The following MS4A15 variants were observed in gnomAD, a reference collection of about 807,000 sequenced individuals.
The protein encoded by MS4A15 is membrane-spanning 4-domains subfamily A member 15.
MS4A15 carries 22 observed loss-of-function variants against 20.6 expected under a neutral mutation model. The ratio of observed to expected loss-of-function variants is 1.07; its 90% CI spans 0.76 to 1.52. MS4A15 has a LOEUF of 1.52. Among genes scored for constraint, MS4A15 ranks in the 40% most tolerant of loss-of-function variants. The pLI is 0.00. For missense variants in MS4A15, 312 were observed against 323.0 expected (o/e 0.97, Z 0.26); for synonymous variants, 129 against 129.3 (o/e 1.00, Z 0.02).
At chr11:60,775,003 G>A (rs571666787) in intron 6 of MS4A15, among the ~76,000 whole-genome samples, 25 of 152,306 alleles carry the variant, frequency 1.6e-4, no homozygotes, top group African/African-American at 5.3e-4. Flanking sequence ...CCTGAACCAG[G>A]CCAGGGCAGT....
At chr11:60,759,534 G>T (rs1050907523) in intron 1 of MS4A15, among the ~76,000 whole-genome samples, 13 of 152,122 alleles carry the variant, frequency 8.5e-5, no homozygotes, top group African/African-American at 2.7e-4. Flanking sequence ...CCCGTAAAGG[G>T]TCTGTGCTGA....
intron 1 of MS4A15, among the ~76,000 whole-genome samples, chr11:60,761,739 G>T (rs1291030998): frequency 6.6e-6 from 1 of 152,144 alleles, no homozygotes; most frequent in Non-Finnish European, 1.5e-5. Context: ...TATATTACTA[G>T]CAGTGGCAAT....
intron 1 of MS4A15, 92 bp from the exon 2 acceptor site, chr11:60,763,614 G>T: frequency 9.6e-7 from 1 of 1,038,432 alleles, no homozygotes; most frequent in East Asian, 2.5e-5. Context: ...TGGCAGGGCT[G>T]CAGTAAGCAA....
intron 3 of MS4A15, among the ~76,000 whole-genome samples, chr11:60,769,924 GCCT>G (rs1349576344): frequency 6.6e-6 from 1 of 152,108 alleles, no homozygotes; most frequent in Non-Finnish European, 1.5e-5. Flanking sequence ...TCACCCCAGG[GCCT>G]CCTCCACCCA....
At chr11:60,764,434 A>G (rs531257984) in intron 2 of MS4A15, among the ~76,000 whole-genome samples, 19 of 152,206 alleles carry the variant, frequency 1.2e-4, no homozygotes, top group Non-Finnish European at 2.8e-4. Flanking sequence ...GGGAGGTGAG[A>G]TGGAATGAAA....
At chr11:60,770,307 A>G (rs1171505579) in intron 3 of MS4A15, among the ~76,000 whole-genome samples, 3 of 152,094 alleles carry the variant, frequency 2.0e-5, no homozygotes, top group African/African-American at 7.2e-5. Context: ...CCCAATTAGA[A>G]TATAAGTTCC....
chr11:60,759,652 C>A (rs762880670), intron 1 of MS4A15, among the ~76,000 whole-genome samples: 2 of 151,116 alleles, frequency 1.3e-5, no homozygotes, highest in Non-Finnish European at 3.0e-5. Flanking sequence ...GCCGACTATT[C>A]GTTCTATTCT....
chr11:60,767,428 G>A (rs4939450), intron 2 of MS4A15, 105 bp from the exon 3 acceptor site: 1 of 1,313,594 alleles, frequency 7.6e-7, no homozygotes, highest in African/African-American at 1.5e-5. Context: ...CTTTCCCAGT[G>A]GCCAACAAGC....
chr11:60,775,589 GC>G lies in MS4A15; in HGVS notation c.613-15del, dbSNP rs1179498260. 6.2e-7 allele frequency: 1 copy of G among 1,610,512 alleles called. No homozygotes were observed. The highest frequency in any genetic ancestry group is 1.1e-5 in the South Asian group (1 of 90,976). ...TCCAGCGTCCTCCAGGACGCTCAGTGCTGTTTTCTTTGCAGCCTGTGATCTT... is the reference window on the plus strand; with the variant it reads ...TCCAGCGTCCTCCAGGACGCTCAGTGTGTTTTCTTTGCAGCCTGTGATCTT... On this transcript the variant is annotated splice_polypyrimidine_tract_variant and intron_variant, in intron 6 of 6. Coordinates refer to ENST00000405633, the MANE Select transcript of MS4A15 (RefSeq NM_001098835.2).
intron 4 of MS4A15, among the ~76,000 whole-genome samples, chr11:60,772,428 A>G (rs1239981347): frequency 6.6e-6 from 1 of 152,074 alleles, no homozygotes; most frequent in Non-Finnish European, 1.5e-5. Context: ...TCCGGACCAA[A>G]CCCAGTGTCC....
At chr11:60,767,713 C>T in intron 3 of MS4A15, 58 bp downstream of exon 3, 1 of 1,460,868 alleles carries the variant, frequency 6.8e-7, no homozygotes, top group South Asian at 1.4e-5. Flanking sequence ...GCTCACCTCT[C>T]CCCCACGCGC....
intron 6 of MS4A15, among the ~76,000 whole-genome samples, chr11:60,774,523 C>T (rs557574859): frequency 6.6e-6 from 1 of 152,338 alleles, no homozygotes; most frequent in African/African-American, 2.4e-5. Context: ...CTCTGTGCAG[C>T]CCCACAGGCA....
chr11:60,775,590 C>T lies in MS4A15; in HGVS notation c.613-15C>T, dbSNP rs760779391. On this transcript the variant is annotated splice_polypyrimidine_tract_variant and intron_variant, in intron 6 of 6. Coordinates refer to ENST00000405633, the MANE Select transcript of MS4A15 (RefSeq NM_001098835.2). ...CCAGCGTCCTCCAGGACGCTCAGTG[C>T]TGTTTTCTTTGCAGCCTGTGATCTT... 1.2e-6 allele frequency: 2 copies of T among 1,610,218 alleles called. No homozygotes were observed. Among genetic ancestry groups the T allele is most frequent in the African/African-American group, 1.3e-5 (1 of 74,980 alleles).
chr11:60,767,404 CA>C, intron 2 of MS4A15, 128 bp from the exon 3 acceptor site: 9 of 1,186,696 alleles, frequency 7.6e-6, no homozygotes, highest in Non-Finnish European at 1.0e-5. Context: ...CTCTAAAGAA[CA>C]GAATCTGAGT....
chr11:60,773,706 G>A (rs1053517156), intron 5 of MS4A15, 131 bp from the exon 6 acceptor site: 21 of 843,008 alleles, frequency 2.5e-5, no homozygotes, highest in Non-Finnish European at 3.4e-5. Flanking sequence ...CAGGACTGGC[G>A]GCAGGGGGAC....
intron 2 of MS4A15, among the ~76,000 whole-genome samples, chr11:60,766,117 A>T (rs1240650895): frequency 6.6e-6 from 1 of 152,204 alleles, no homozygotes; most frequent in Non-Finnish European, 1.5e-5. Flanking sequence ...GCAGTGGCCC[A>T]CGCCTGTAAT....
At chr11:60,759,123 G>A (rs920321178) in intron 1 of MS4A15, among the ~76,000 whole-genome samples, 4 of 152,234 alleles carry the variant, frequency 2.6e-5, no homozygotes, top group African/African-American at 9.7e-5. Context: ...GGAAAAGAAA[G>A]AGAGATCAGA....
At chr11:60,763,991 G>A in intron 2 of MS4A15, 33 bp downstream of exon 2, 1 of 1,572,228 alleles carries the variant, frequency 6.4e-7, no homozygotes, top group Non-Finnish European at 8.7e-7. Context: ...ACCTGAGGCA[G>A]GTAGTGAGTA....
At chr11:60,770,836 G>A (rs61198976) in intron 3 of MS4A15, among the ~76,000 whole-genome samples, 24,041 of 151,668 alleles carry the variant, frequency 0.16, 3,145 homozygotes, top group East Asian at 0.67. Flanking sequence ...CTCCCGAGTA[G>A]GTGGGATTAC....
Sources: gnomAD v4.1 joint callset for allele counts (sites outside exome capture counted in the v4.1 genomes callset) on GRCh38, gnomAD v4.1.1 for gene constraint, MANE v1.5 for transcripts, NCBI Gene and HGNC (gene_info 2026-07-23, HGNC 2026-07-21) for gene names.